HAUS2: variants seen among roughly 807,000 people sequenced by gnomAD.
HAUS2 encodes the protein HAUS augmin-like complex subunit 2.
A neutral mutation model predicts 21.6 loss-of-function variants in HAUS2; 20 were observed. The observed-to-expected ratio is 0.93, with a 90% confidence interval of 0.65 to 1.35. HAUS2 has a LOEUF of 1.35. HAUS2 is among the 40% of genes most tolerant of loss of function. The probability of loss-of-function intolerance (pLI) is 0.00; values close to 1 mark genes in which losing one functional copy is unlikely to be tolerated. For missense variants in HAUS2, 297 were observed against 280.7 expected (o/e 1.06, Z -0.42); for synonymous variants, 113 against 95.6 (o/e 1.18, Z -1.06).
intron 2 of HAUS2, among the ~76,000 whole-genome samples, chr15:42,558,625 C>A (rs1429419816): frequency 1.3e-5 from 2 of 151,886 alleles, no homozygotes; most frequent in Non-Finnish European, 2.9e-5. Context: ...CTGCGCCCGG[C>A]CTGAACTTTT....
chr15:42,553,897 G>C (rs2057748598), intron 1 of HAUS2, among the ~76,000 whole-genome samples: 1 of 152,192 alleles, frequency 6.6e-6, no homozygotes, highest in Non-Finnish European at 1.5e-5. Context: ...AAGGGCAGTG[G>C]ATTAGATGTG....
chr15:42,557,327 A>ATATATATTATATATT lies in HAUS2; in HGVS notation c.94-870_94-869insATATATTATATATTT, dbSNP rs1566831749. On this transcript the variant is annotated intron_variant, in intron 1 of 5. Transcript: ENST00000260372. Reference sequence around the variant, plus strand: ...TGAGACTCCATTTAAAAATATATATATTATATATAATATATATTTTATATA... The same window carrying ATATATATTATATATT: ...TGAGACTCCATTTAAAAATATATATATATATATTATATATTTTATATATAATATATATTTTATATA... 2.5e-4 allele frequency among the ~76,000 whole-genome samples: 10 copies of ATATATATTATATATT among 40,276 alleles called. 1 individual carries two copies. Among genetic ancestry groups the ATATATATTATATATT allele is most frequent in the Admixed American group, 3.3e-4 (1 of 3,042 alleles). The allele number at this position is 40,276 out of a possible 152,430, so 26.4% of individuals were successfully genotyped here. A position where few individuals can be genotyped will look rare whatever the true frequency, so the allele number is the denominator to read the frequency against.
chr15:42,556,539 G>A (rs925279090), intron 1 of HAUS2, among the ~76,000 whole-genome samples: 17 of 151,678 alleles, frequency 1.1e-4, no homozygotes, highest in Non-Finnish European at 2.2e-4. Context: ...TCGGGATTAC[G>A]GGCATGAGCC....
chr15:42,557,264 C>T (rs1300231504), intron 1 of HAUS2, among the ~76,000 whole-genome samples: 2 of 128,432 alleles, frequency 1.6e-5, no homozygotes, highest in African/African-American at 2.9e-5. Flanking sequence ...TGCAGTGAGC[C>T]GAGATTGCAC....
intron 3 of HAUS2, among the ~76,000 whole-genome samples, chr15:42,560,471 A>T (rs1434158724): frequency 6.6e-6 from 1 of 152,218 alleles, no homozygotes; most frequent in African/African-American, 2.4e-5. Context: ...GTGAATAAGT[A>T]AAATGTATGT....
intron 1 of HAUS2, among the ~76,000 whole-genome samples, chr15:42,552,525 CAT>C (rs2057736344): frequency 6.6e-6 from 1 of 152,076 alleles, no homozygotes; most frequent in Non-Finnish European, 1.5e-5. Flanking sequence ...TTCTAGAAAA[CAT>C]AGCTTGTTTG....
intron 4 of HAUS2, 142 bp downstream of exon 4, chr15:42,561,544 A>T (rs1374872079): frequency 1.7e-6 from 1 of 593,276 alleles, no homozygotes; most frequent in Non-Finnish European, 3.0e-6. Flanking sequence ...TTAAATCAGA[A>T]AGAAAATCTT....
intron 4 of HAUS2, among the ~76,000 whole-genome samples, chr15:42,562,575 A>G (rs528817437): frequency 6.6e-6 from 1 of 152,302 alleles, no homozygotes; most frequent in East Asian, 1.9e-4. Flanking sequence ...AGCCTGGGCA[A>G]CAGGGTGAGA....
intron 4 of HAUS2, among the ~76,000 whole-genome samples, chr15:42,563,062 G>A (rs567577290): frequency 3.6e-4 from 55 of 151,296 alleles, no homozygotes; most frequent in Admixed American, 2.7e-3. Flanking sequence ...ACAGTGAGCC[G>A]AGATTGTGCC....
chr15:42,554,468 TTTTTA>T (rs1329208640), intron 1 of HAUS2, among the ~76,000 whole-genome samples: 5 of 151,554 alleles, frequency 3.3e-5, no homozygotes, highest in Admixed American at 2.6e-4. Flanking sequence ...TTCATTAGTG[TTTTTA>T]TTTTGTTTGT....
chr15:42,567,089 A>T lies in HAUS2; in HGVS notation c.*273A>T. ...GAATTAACCATTTCTCAGGTGGGAA[A>T]TTCTCTTTTTTTAAAAATGTGTGTT... On this transcript the variant is annotated 3_prime_UTR_variant, in exon 6 of 6. Transcript: ENST00000260372. 3.6e-6 allele frequency: 1 copy of T among 275,668 alleles called. No homozygotes were observed. The highest frequency in any genetic ancestry group is 6.9e-6 in the Non-Finnish European group (1 of 144,770). 17.1% of individuals were successfully genotyped at this position (275,668 alleles called of 1,614,324 possible). A position where few individuals can be genotyped will look rare whatever the true frequency, so the allele number is the denominator to read the frequency against.
rs1326286481 is a variant in HAUS2 at position 42,568,706 on chromosome 15, C to G, written c.*1890C>G. On this transcript the variant is annotated 3_prime_UTR_variant, in exon 6 of 6. Coordinates refer to ENST00000260372, the MANE Select transcript of HAUS2 (RefSeq NM_018097.3). The stretch of plus-strand genomic sequence containing the variant: ...CTACGTGACCAGCCCCCAGTAAAAA[C>G]CCTGGGCACTGTATCTCTAACAAGT... 6.6e-6 allele frequency: 1 copy of G among 152,106 alleles called. No individual in the cohort carries two copies. The highest frequency in any genetic ancestry group is 1.5e-5 in the Non-Finnish European group (1 of 68,010). The allele number at this position is 152,106 out of a possible 1,614,324, so 9.4% of individuals were successfully genotyped here. A position where few individuals can be genotyped will look rare whatever the true frequency, so the allele number is the denominator to read the frequency against.
chr15:42,562,318 G>C (rs572452989), intron 4 of HAUS2, among the ~76,000 whole-genome samples: 4 of 152,204 alleles, frequency 2.6e-5, no homozygotes, highest in Non-Finnish European at 5.9e-5. Context: ...AAACAAGGCT[G>C]GGCACAGTGG....
intron 5 of HAUS2, among the ~76,000 whole-genome samples, chr15:42,565,845 A>G (rs1281413535): frequency 1.3e-5 from 2 of 152,206 alleles, no homozygotes; most frequent in African/African-American, 2.4e-5. Flanking sequence ...GGGACACATC[A>G]AAAATAATGA....
intron 5 of HAUS2, 72 bp from the exon 6 acceptor site, chr15:42,566,535 T>G (rs1041440221): frequency 2.8e-5 from 23 of 833,414 alleles, no homozygotes; most frequent in Non-Finnish European, 4.5e-5. Context: ...TAACCTTTGG[T>G]ATCAGTTACT....
At chr15:42,553,228 A>G (rs927544856) in intron 1 of HAUS2, among the ~76,000 whole-genome samples, 2 of 151,968 alleles carry the variant, frequency 1.3e-5, no homozygotes, top group African/African-American at 4.8e-5. Flanking sequence ...CTCATGATCC[A>G]CCTGCCTCGG....
At chr15:42,566,538 C>T in intron 5 of HAUS2, 69 bp from the exon 6 acceptor site, 1 of 850,338 alleles carries the variant, frequency 1.2e-6, no homozygotes, top group Non-Finnish European at 2.0e-6. Flanking sequence ...CCTTTGGTAT[C>T]AGTTACTGAT....
chr15:42,557,053 G>A (rs988512021), intron 1 of HAUS2, among the ~76,000 whole-genome samples: 2 of 150,946 alleles, frequency 1.3e-5, no homozygotes, highest in African/African-American at 2.4e-5. Context: ...GGTGGCTCAC[G>A]CCTGTAATCG....
chr15:42,563,549 G>A (rs1220613932), intron 4 of HAUS2, among the ~76,000 whole-genome samples, 200 bp from the exon 5 acceptor site: 3 of 151,698 alleles, frequency 2.0e-5, no homozygotes, highest in African/African-American at 7.3e-5. Context: ...TTTTTTATTT[G>A]GATGACAAGT....
Sources: allele counts gnomAD v4.1 joint callset (sites outside exome capture counted in the v4.1 genomes callset), GRCh38; gene constraint gnomAD v4.1.1; transcripts MANE v1.5; gene names NCBI Gene and HGNC (gene_info 2026-07-23, HGNC 2026-07-21).